RIMBP2: variants seen among roughly 807,000 people sequenced by gnomAD.
RIMBP2 encodes the protein RIMS binding protein 2, also known as RIMS-binding protein 2.
Under a neutral mutation model 118.6 loss-of-function variants are expected in RIMBP2, and 48 were observed. The observed-to-expected ratio is 0.40, with a 90% CI of 0.32 to 0.51. The LOEUF (loss-of-function observed/expected upper bound fraction) is 0.51. RIMBP2 is among the 20% of genes least tolerant of loss of function. RIMBP2 has a pLI of 0.41. For missense variants in RIMBP2, 1,551 were observed against 1,768.3 expected (o/e 0.88, Z 2.20); for synonymous variants, 762 against 742.9 (o/e 1.03, Z -0.42).
intron 21 of RIMBP2, among the ~76,000 whole-genome samples, chr12:130,404,144 A>G (rs984771367): frequency 6.6e-6 from 1 of 152,212 alleles, no homozygotes; most frequent in Non-Finnish European, 1.5e-5. Context: ...TGGGAACCCA[A>G]GGGAATCGGT....
intron 2 of RIMBP2, among the ~76,000 whole-genome samples, chr12:130,614,681 G>A (rs111930085): frequency 3.0e-4 from 46 of 152,218 alleles, no homozygotes; most frequent in Middle Eastern, 6.8e-3. Context: ...AATCTTGCAG[G>A]TCTGCAGAGG....
chr12:130,557,030 T>C (rs1158875438), intron 2 of RIMBP2, among the ~76,000 whole-genome samples: 2 of 152,098 alleles, frequency 1.3e-5, no homozygotes, highest in Non-Finnish European at 2.9e-5. Flanking sequence ...AATGTGCCCT[T>C]GTTTGAAAAT....
rs373642018 is a variant in RIMBP2, at chr12:130,428,336, G to T, written c.2255C>A (p.Pro752Gln). 1 of 1,603,954 alleles carries T rather than the reference G, an allele frequency of 6.2e-7. No individual in the cohort carries two copies. Among genetic ancestry groups the T allele is most frequent in the Non-Finnish European group, 8.5e-7 (1 of 1,174,900 alleles). ...FLKGSELGKQ[P>Q]HCCHGDEYHT... ...GTACTCGTCTCCATGGCAACAGTGC[G>T]GCTGGGGGCCAAGAAAAGGGGCTAC... is the stretch of plus-strand genomic sequence containing the variant. Residue 752 changes from proline to glutamine, a missense_variant and splice_region_variant, in exon 15 of 23, where the codon CCG (proline) becomes CAG (glutamine). Pro to Gln is a moderately conservative substitution (Grantham distance 76). Around this residue, in one of 5 missense-constraint regions of RIMBP2, gnomAD observed 1,038 missense variants for 1,125.1 expected, o/e 0.92. Coordinates refer to ENST00000690449, the MANE Select transcript of RIMBP2 (RefSeq NM_001393629.1).
chr12:130,588,083 TC>T (rs1338739554), intron 2 of RIMBP2, among the ~76,000 whole-genome samples: 1 of 152,112 alleles, frequency 6.6e-6, no homozygotes, highest in South Asian at 2.1e-4. Flanking sequence ...AACCTGCTGT[TC>T]CCCCATCCCA....
At chr12:130,555,378 C>T (rs1020408141) in intron 2 of RIMBP2, among the ~76,000 whole-genome samples, 9 of 152,278 alleles carry the variant, frequency 5.9e-5, no homozygotes, top group African/African-American at 1.7e-4. Flanking sequence ...TGAGAAGCAG[C>T]GTGGGTCTCA....
Position 130,622,612 on chromosome 12 carries a change from G to A in RIMBP2, c.-217+5710C>T, listed in dbSNP as rs2061386335. ...CACAGTGCTGGGAATACAGAAATGAGCCACTGCACCTGGCCTACTAGTTAT... is the reference window on the plus strand; with the variant it reads ...CACAGTGCTGGGAATACAGAAATGAACCACTGCACCTGGCCTACTAGTTAT... On this transcript the variant is annotated intron_variant, in intron 2 of 22. Transcript: ENST00000690449. The surrounding 1 kb of genome is among the most constrained non-coding windows in gnomAD (Gnocchi z 8.5). 6.6e-6 allele frequency among the ~76,000 whole-genome samples: 1 copy of A among 152,024 alleles called. No individual in the cohort carries two copies. Among genetic ancestry groups the A allele is most frequent in the African/African-American group, 2.4e-5 (1 of 41,378 alleles).
rs34292565 is a variant in RIMBP2 at position 130,580,926 on chromosome 12, G to GGTGTGT, written c.-217+47390_-217+47395dup. 1.3e-3 allele frequency among the ~76,000 whole-genome samples: 189 copies of GGTGTGT among 149,428 alleles called. 2 individuals are homozygous for GGTGTGT. Among genetic ancestry groups the GGTGTGT allele is most frequent in the Middle Eastern group, 7.0e-3 (2 of 284 alleles). ...GGGAGACAGAGTGAGACCCAGCAATGGTGTGTGTGTGTGTGTGTGTGTTTG... is the reference window on the plus strand; with the variant it reads ...GGGAGACAGAGTGAGACCCAGCAATGGTGTGTGTGTGTGTGTGTGTGTGTGTGTTTG... On this transcript the variant is annotated intron_variant, in intron 2 of 22. Transcript: ENST00000690449.
chr12:130,598,703 G>A (rs1330579663), intron 2 of RIMBP2, among the ~76,000 whole-genome samples: 1 of 151,508 alleles, frequency 6.6e-6, no homozygotes, highest in Non-Finnish European at 1.5e-5. Flanking sequence ...ACTCCAGCCT[G>A]GGCGACTGAG....
intron 1 of RIMBP2, among the ~76,000 whole-genome samples, chr12:130,679,178 G>C (rs1426701749): frequency 6.6e-6 from 1 of 152,168 alleles, no homozygotes; most frequent in African/African-American, 2.4e-5. Context: ...GACTTTTTTA[G>C]GTAATGCAAA....
intron 2 of RIMBP2, among the ~76,000 whole-genome samples, chr12:130,615,060 T>C (rs1370815949): frequency 6.7e-6 from 1 of 148,442 alleles, no homozygotes; most frequent in Non-Finnish European, 1.5e-5. Flanking sequence ...TACACATGTA[T>C]ATTTCATATA....
chr12:130,495,627 G>A (rs1014759764), intron 4 of RIMBP2, among the ~76,000 whole-genome samples: 8 of 152,172 alleles, frequency 5.3e-5, no homozygotes, highest in Non-Finnish European at 1.0e-4. Context: ...CTTGCTCCTC[G>A]TTTTACTCCA....
intron 3 of RIMBP2, among the ~76,000 whole-genome samples, chr12:130,516,953 G>A (rs1347284124): frequency 6.6e-6 from 1 of 152,172 alleles, no homozygotes; most frequent in Non-Finnish European, 1.5e-5. Flanking sequence ...CAGTGGAGAG[G>A]AGGGGGAGGA....
rs575859094 is a variant in RIMBP2, at chr12:130,424,823, G to C, written c.2448C>G (p.Phe816Leu). The C allele has an allele frequency of 1.2e-5, 15 of 1,232,722 alleles. No homozygotes were observed. In the Admixed American group the frequency reaches 4.6e-4, roughly 38 times the overall value. 76.4% of individuals were successfully genotyped at this position (1,232,722 alleles called of 1,614,324 possible). A position where few individuals can be genotyped will look rare whatever the true frequency, so the allele number is the denominator to read the frequency against. ...GGTGGGGAAACTCGGGCTGCTCCCAGAAAGTGCCTTCCGAGGTCCTATGGT... is the reference window on the plus strand; with the variant it reads ...GGTGGGGAAACTCGGGCTGCTCCCACAAAGTGCCTTCCGAGGTCCTATGGT... ...CTDHRTSEGTFWEQPEFPHQP... is the reference protein window; with the variant it reads ...CTDHRTSEGTLWEQPEFPHQP... Residue 816 changes from phenylalanine to leucine, a missense_variant, in exon 16 of 23, where the codon TTC becomes TTG. Around this residue, in one of 5 missense-constraint regions of RIMBP2, gnomAD observed 1,038 missense variants for 1,125.1 expected, o/e 0.92. Coordinates refer to ENST00000690449, the MANE Select transcript of RIMBP2 (RefSeq NM_001393629.1). The surrounding 1 kb of genome is among the most constrained non-coding windows in gnomAD (Gnocchi z 9.8).
chr12:130,548,973 T>G (rs2055453382), intron 2 of RIMBP2, among the ~76,000 whole-genome samples: 1 of 152,196 alleles, frequency 6.6e-6, no homozygotes, highest in Admixed American at 6.5e-5. Context: ...TTTCAAAGGA[T>G]TTTTGTGAAA....
chr12:130,451,985 G>T (rs369096866), intron 7 of RIMBP2, among the ~76,000 whole-genome samples: 1 of 152,172 alleles, frequency 6.6e-6, no homozygotes, highest in Non-Finnish European at 1.5e-5. Context: ...TTCTTATCCC[G>T]TCCTATCCTC....
rs187246659 is a variant in RIMBP2 at position 130,671,350 on chromosome 12, C to T, written c.-351-42894G>A. On this transcript the variant is annotated intron_variant, in intron 1 of 22. Transcript: ENST00000690449. Reference sequence around the variant, plus strand: ...TCCTCACCCAAGAGGATGTCCCTAACATCTCTGACTTGCGTCTTTCCCTCC... The same window carrying T: ...TCCTCACCCAAGAGGATGTCCCTAATATCTCTGACTTGCGTCTTTCCCTCC... 5.2e-4 allele frequency among the ~76,000 whole-genome samples: 79 copies of T among 152,352 alleles called. 3 individuals carry two copies. In the East Asian group the frequency reaches 0.011, roughly 22 times the overall value.
chr12:130,698,142 C>T (rs1195234726), intron 1 of RIMBP2, among the ~76,000 whole-genome samples: 1 of 152,084 alleles, frequency 6.6e-6, no homozygotes, highest in Non-Finnish European at 1.5e-5. Context: ...GGAGGGGAAC[C>T]AGGAGGCAGC....
At chr12:130,658,122 A>G (rs1230618453) in intron 1 of RIMBP2, 1 of 152,228 alleles carries the variant, frequency 6.6e-6, no homozygotes, top group Non-Finnish European at 1.5e-5. Flanking sequence ...CCAACAATGA[A>G]TGCCCCAGCT....
chr12:130,452,510 G>T (rs938485204), intron 7 of RIMBP2, among the ~76,000 whole-genome samples: 6 of 152,204 alleles, frequency 3.9e-5, no homozygotes, highest in Non-Finnish European at 8.8e-5. Context: ...AATATCGAAC[G>T]ATTCAGCTTC....
Sources: gnomAD v4.1 joint callset for allele counts (sites outside exome capture counted in the v4.1 genomes callset) on GRCh38, gnomAD v4.1.1 for gene constraint, gnomAD v4.1.1 regional missense constraint, Gnocchi (gnomAD v3.1) non-coding constraint, MANE v1.5 for transcripts, NCBI Gene and HGNC (gene_info 2026-07-23, HGNC 2026-07-21) for gene names.